The following WWP1 variants were observed in gnomAD, a reference collection of about 807,000 sequenced individuals.
The protein encoded by WWP1 is WW domain containing E3 ubiquitin protein ligase 1.
A neutral mutation model predicts 130.6 loss-of-function variants in WWP1; 49 were observed. The observed-to-expected ratio is 0.38, with a 90% CI of 0.30 to 0.48. WWP1 has a LOEUF of 0.48. WWP1 is among the 20% of genes least tolerant of loss of function. WWP1 has a pLI of 0.99. For synonymous variants in WWP1, 332 were observed against 367.8 expected, an observed-to-expected ratio of 0.90 and a Z score of 1.11; for missense variants, 809 against 1,100.6, an observed-to-expected ratio of 0.74 and a Z score of 3.75.
chr8:86,376,375 C>T (rs1214833754), intron 3 of WWP1, among the ~76,000 whole-genome samples: 1 of 151,912 alleles, frequency 6.6e-6, no homozygotes, highest in Non-Finnish European at 1.5e-5. Context: ...TTGTGACTGG[C>T]CTGGCCAACA....
At chr8:86,421,809 C>T (rs1053781678) in intron 9 of WWP1, among the ~76,000 whole-genome samples, 6 of 151,262 alleles carry the variant, frequency 4.0e-5, no homozygotes, top group Non-Finnish European at 8.8e-5. Context: ...GGGGACAGAG[C>T]GAGACGCCAT....
intron 5 of WWP1, among the ~76,000 whole-genome samples, chr8:86,389,867 GC>G (rs1388139692): frequency 6.6e-6 from 1 of 151,672 alleles, no homozygotes; most frequent in East Asian, 2.0e-4. Context: ...GGGGCGGCTG[GC>G]CGGGCGGGGG....
At chr8:86,465,459 C>CA (rs1221480983) in intron 24 of WWP1, among the ~76,000 whole-genome samples, 21 of 150,594 alleles carry the variant, frequency 1.4e-4, no homozygotes, top group South Asian at 4.2e-4. Flanking sequence ...TTCGTCTCTA[C>CA]AAAAAAAAAT....
intron 9 of WWP1, among the ~76,000 whole-genome samples, chr8:86,424,435 T>C (rs1809468300): frequency 6.6e-6 from 1 of 151,800 alleles, no homozygotes; most frequent in African/African-American, 2.4e-5. Flanking sequence ...TCTCGGCACT[T>C]TGGGAGGCCA....
At chr8:86,365,333 A>T (rs1424281777) in intron 1 of WWP1, among the ~76,000 whole-genome samples, 3 of 152,188 alleles carry the variant, frequency 2.0e-5, no homozygotes, top group Non-Finnish European at 4.4e-5. Flanking sequence ...ATACAGAAAG[A>T]TGGAGGGAAG....
intron 5 of WWP1, among the ~76,000 whole-genome samples, chr8:86,384,891 G>C (rs1825189861): frequency 6.6e-6 from 1 of 152,038 alleles, no homozygotes; most frequent in South Asian, 2.1e-4. Flanking sequence ...AATTAGCCAG[G>C]CATGTGCCTG....
rs531403246 is a variant in WWP1, at chr8:86,413,757, C to G, written c.1061+1883C>G. ...ATATAATGCTGAAGAGAAAACAGCC[C>G]TGTGAAGAATTTTGTGTGATTTCGA... On this transcript the variant is annotated intron_variant, in intron 9 of 24. Transcript: ENST00000517970. Among the ~76,000 whole-genome samples, 5 of 152,258 alleles carry G rather than the reference C, an allele frequency of 3.3e-5. 1 individual carries two copies. In the South Asian group the frequency reaches 8.3e-4, roughly 25 times the overall value.
intron 1 of WWP1, among the ~76,000 whole-genome samples, chr8:86,364,866 A>AAGAG (rs879525857): frequency 6.6e-6 from 1 of 151,902 alleles, no homozygotes; most frequent in South Asian, 2.1e-4. Flanking sequence ...AGAAAGAAGA[A>AAGAG]AGAGAGAAAG....
rs7460650 is a variant in WWP1, at chr8:86,461,856, A to G, written c.2669+10A>G. ...CAAGAAGCCATACATGGTAAGTTCA[A>G]GAATCCTAAATACGAAGGTGAAAGC... is the stretch of plus-strand genomic sequence containing the variant. On this transcript the variant is annotated intron_variant, in intron 24 of 24. Coordinates refer to ENST00000517970, the MANE Select transcript of WWP1 (RefSeq NM_007013.4). 0.28 allele frequency: 449,684 copies of G among 1,605,576 alleles called. 70,120 individuals carry two copies. Among genetic ancestry groups the G allele is most frequent in the Admixed American group, 0.57 (33,951 of 59,628 alleles).
intron 3 of WWP1, among the ~76,000 whole-genome samples, chr8:86,379,363 A>G (rs374653846): frequency 1.3e-5 from 2 of 152,178 alleles, no homozygotes; most frequent in African/African-American, 2.4e-5. Flanking sequence ...TGCATTTATC[A>G]CATTGTATTT....
chr8:86,411,134 G>A (rs1808559013), intron 8 of WWP1, among the ~76,000 whole-genome samples: 1 of 152,076 alleles, frequency 6.6e-6, no homozygotes, highest in African/African-American at 2.4e-5. Flanking sequence ...TGGCAAAACA[G>A]TTCGTTTGAT....
At chr8:86,441,512 A>G (rs1229052127) in intron 17 of WWP1, among the ~76,000 whole-genome samples, 1 of 152,210 alleles carries the variant, frequency 6.6e-6, no homozygotes, top group Non-Finnish European at 1.5e-5. Context: ...AAATTACTTG[A>G]TGACATTTGA....
At chr8:86,445,976 C>CTTTTCTTTTCTTTT (rs1216312552) in intron 18 of WWP1, among the ~76,000 whole-genome samples, 2 of 84,984 alleles carry the variant, frequency 2.4e-5, no homozygotes, top group Non-Finnish European at 4.6e-5. Flanking sequence ...CTTTTCTTTT[C>CTTTTCTTTTCTTTT]TTTTTTTTTT....
chr8:86,379,467 C>T (rs796490549), intron 3 of WWP1, among the ~76,000 whole-genome samples: 6 of 152,116 alleles, frequency 3.9e-5, no homozygotes, highest in Middle Eastern at 3.4e-3. Context: ...CCTTAACATC[C>T]GGTGTGTATG....
intron 1 of WWP1, among the ~76,000 whole-genome samples, chr8:86,345,354 A>T (rs1453320590): frequency 6.6e-6 from 1 of 152,166 alleles, no homozygotes; most frequent in South Asian, 2.1e-4. Flanking sequence ...ATTTTAGGGG[A>T]GTCCATGGAA....
intron 9 of WWP1, among the ~76,000 whole-genome samples, chr8:86,418,258 A>T (rs1449403430): frequency 6.6e-6 from 1 of 152,188 alleles, no homozygotes; most frequent in Non-Finnish European, 1.5e-5. Flanking sequence ...AAACAGTTGA[A>T]GGCCCAAACT....
chr8:86,364,264 GTAAC>G (rs1242779485), intron 1 of WWP1, among the ~76,000 whole-genome samples: 1 of 152,172 alleles, frequency 6.6e-6, no homozygotes, highest in East Asian at 1.9e-4. Context: ...TATTCATTAT[GTAAC>G]TAATAGTTTA....
chr8:86,386,860 C>G (rs1825314754), intron 5 of WWP1: 1 of 152,208 alleles, frequency 6.6e-6, no homozygotes, highest in African/African-American at 2.4e-5. Context: ...AGTCCAAGAT[C>G]AAGATGCCAG....
At chr8:86,458,427 G>A (rs1811573162) in intron 22 of WWP1, among the ~76,000 whole-genome samples, 1 of 152,164 alleles carries the variant, frequency 6.6e-6, no homozygotes, top group South Asian at 2.1e-4. Context: ...AAGAATGATC[G>A]AGGGGATAAT....
Sources: allele counts gnomAD v4.1 joint callset (sites outside exome capture counted in the v4.1 genomes callset), GRCh38; gene constraint gnomAD v4.1.1; transcripts MANE v1.5; gene names NCBI Gene and HGNC (gene_info 2026-07-23, HGNC 2026-07-21).